The following PPIP5K1 variants were observed in gnomAD, a reference collection of about 807,000 sequenced individuals.
The protein encoded by PPIP5K1 is diphosphoinositol pentakisphosphate kinase 1, also known as inositol hexakisphosphate and diphosphoinositol-pentakisphosphate kinase 1.
A neutral mutation model predicts 27.7 loss-of-function variants in PPIP5K1; 6 were observed. The observed-to-expected ratio is 0.22, with a 90% CI of 0.12 to 0.43. PPIP5K1 has a LOEUF of 0.43. PPIP5K1 is among the 20% of genes least tolerant of loss of function. The probability of loss-of-function intolerance (pLI) is 1.00; values close to 1 mark genes in which losing one functional copy is unlikely to be tolerated. For missense variants in PPIP5K1, 394 were observed against 635.4 expected (o/e 0.62, Z 4.08); for synonymous variants, 145 against 242.6 (o/e 0.60, Z 3.74).
At chr15:43,540,824 T>A (rs2080583783) in intron 30 of PPIP5K1, among the ~76,000 whole-genome samples, 1 of 136,746 alleles carries the variant, frequency 7.3e-6, no homozygotes, top group African/African-American at 2.9e-5. Flanking sequence ...ATTGTGCCAC[T>A]GCACTCTACC....
intron 30 of PPIP5K1, among the ~76,000 whole-genome samples, chr15:43,554,855 G>A (rs1049810078): frequency 1.3e-5 from 2 of 149,188 alleles, no homozygotes; most frequent in Non-Finnish European, 3.0e-5. Flanking sequence ...TTTTTTTTCA[G>A]ATGGAGTTTC....
intron 30 of PPIP5K1, among the ~76,000 whole-genome samples, chr15:43,545,648 T>C (rs2081283925): frequency 6.6e-6 from 1 of 152,088 alleles, no homozygotes; most frequent in Admixed American, 6.6e-5. Context: ...TGGCCTAATT[T>C]GTCAATCTTT....
intron 30 of PPIP5K1, among the ~76,000 whole-genome samples, chr15:43,557,211 C>A (rs2083080050): frequency 6.6e-6 from 1 of 152,080 alleles, no homozygotes; most frequent in Admixed American, 6.6e-5. Flanking sequence ...TGTGGGAACC[C>A]AAGGGGGGGT....
intron 30 of PPIP5K1, among the ~76,000 whole-genome samples, chr15:43,539,870 C>G (rs1351219359): frequency 6.6e-6 from 1 of 152,240 alleles, no homozygotes; most frequent in Admixed American, 6.5e-5. Context: ...ATACTTGTTT[C>G]ATCTATTTCT....
intron 30 of PPIP5K1, among the ~76,000 whole-genome samples, chr15:43,542,000 G>A (rs1488309340): frequency 6.6e-6 from 1 of 152,170 alleles, no homozygotes; most frequent in Non-Finnish European, 1.5e-5. Flanking sequence ...TTATAAGTAA[G>A]GCTAAGTTTA....
intron 30 of PPIP5K1, among the ~76,000 whole-genome samples, chr15:43,553,051 A>G: frequency 6.6e-6 from 1 of 152,230 alleles, no homozygotes; most frequent in Non-Finnish European, 1.5e-5. Flanking sequence ...AATAAAAAAG[A>G]AAAAGAATAT....
chr15:43,552,970 A>G (rs1405374778), intron 30 of PPIP5K1, among the ~76,000 whole-genome samples: 1 of 152,048 alleles, frequency 6.6e-6, no homozygotes, highest in Non-Finnish European at 1.5e-5. Context: ...TGAATGCAGG[A>G]GGTTGCAGTG....
intron 30 of PPIP5K1, among the ~76,000 whole-genome samples, chr15:43,542,370 C>A (rs1157936416): frequency 1.3e-5 from 2 of 151,484 alleles, no homozygotes; most frequent in African/African-American, 4.9e-5. Context: ...CAGCTCACTG[C>A]AGCCTCAAAC....
At chr15:43,565,527 CAAGAATGA>C (rs2084078549) in intron 26 of PPIP5K1, among the ~76,000 whole-genome samples, 1 of 144,680 alleles carries the variant, frequency 6.9e-6, no homozygotes, top group African/African-American at 2.7e-5. Context: ...TGACCTTTCC[CAAGAATGA>C]AAGTATGAGG....
chr15:43,559,592 C>T (rs2083514441), intron 29 of PPIP5K1, among the ~76,000 whole-genome samples: 1 of 152,116 alleles, frequency 6.6e-6, no homozygotes, highest in Admixed American at 6.5e-5. Context: ...TACTGGAAAA[C>T]CCCAGACTTG....
In PPIP5K1 at chr15:43,580,593, A is replaced by AT. The variant is rs2084933918; in HGVS notation, c.1061+408dup. On this transcript the variant is annotated intron_variant, in intron 10 of 31. Coordinates refer to ENST00000420765, the MANE Select transcript of PPIP5K1 (RefSeq NM_001394395.1). ...TTTTATTTTTTAATTTAATTAATTAATTAATTTATTTATTTATTGGGACGC... is the reference window on the plus strand; with the variant it reads ...TTTTATTTTTTAATTTAATTAATTAATTTAATTTATTTATTTATTGGGACGC... Among the ~76,000 whole-genome samples, 2 of 126,340 alleles carry AT rather than the reference A, an allele frequency of 1.6e-5. 1 individual carries two copies. The highest frequency in any genetic ancestry group is 7.8e-5 in the African/African-American group (2 of 25,544). The allele number at this position is 126,340 out of a possible 152,430, so 82.9% of individuals were successfully genotyped here. A position where few individuals can be genotyped will look rare whatever the true frequency, so the allele number is the denominator to read the frequency against.
Position 43,534,950 on chromosome 15 carries a change from G to A in PPIP5K1, c.4197C>T (p.Val1399=), listed in dbSNP as rs1271314127. ...SEEVSQPCQG[V]SVEVGKLVHK... ...GGACCAGCTTGCCAACCTCCACAGA[G>A]ACCCCCTGGCATGGCTGGCTGACCT... The change falls in exon 32 of 32, where the codon GTC becomes GTT. Residue 1399 remains valine, a synonymous_variant. Coordinates refer to ENST00000420765, the MANE Select transcript of PPIP5K1 (RefSeq NM_001394395.1). The A allele has an allele frequency of 6.2e-7, 1 of 1,614,186 alleles. No homozygotes were observed. The highest frequency in any genetic ancestry group is 8.5e-7 in the Non-Finnish European group (1 of 1,180,040).
chr15:43,545,100 C>A (rs2081206037), intron 30 of PPIP5K1, among the ~76,000 whole-genome samples: 1 of 151,818 alleles, frequency 6.6e-6, no homozygotes, highest in Non-Finnish European at 1.5e-5. Context: ...ATGACGTGAA[C>A]CCAGGAGGCA....
chr15:43,536,503 G>C (rs2079884315), intron 31 of PPIP5K1, among the ~76,000 whole-genome samples: 1 of 151,962 alleles, frequency 6.6e-6, no homozygotes, highest in African/African-American at 2.4e-5. Flanking sequence ...AACCTTTCTA[G>C]GGGTCAGTGG....
chr15:43,537,815 T>C (rs1188012546), intron 31 of PPIP5K1, among the ~76,000 whole-genome samples: 2 of 150,104 alleles, frequency 1.3e-5, no homozygotes, highest in Admixed American at 6.7e-5. Context: ...AGAAGACGTT[T>C]ACCAGTGAGG....
chr15:43,546,766 T>C (rs1420742013), intron 30 of PPIP5K1, among the ~76,000 whole-genome samples: 1 of 151,328 alleles, frequency 6.6e-6, no homozygotes, highest in Non-Finnish European at 1.5e-5. Context: ...AGGTGATTCT[T>C]CCACCTCAGT....
At chr15:43,549,576 C>A (rs867287504) in intron 30 of PPIP5K1, among the ~76,000 whole-genome samples, 1 of 152,078 alleles carries the variant, frequency 6.6e-6, no homozygotes, top group African/African-American at 2.4e-5. Context: ...TCACTTGAGC[C>A]TGGGAGGCAG....
chr15:43,539,335 G>A (rs1385027735), intron 31 of PPIP5K1, 135 bp downstream of exon 31: 7 of 687,908 alleles, frequency 1.0e-5, no homozygotes, highest in Admixed American at 6.7e-5. Flanking sequence ...AATGGCAGAT[G>A]AGACTGCTTC....
intron 30 of PPIP5K1, among the ~76,000 whole-genome samples, chr15:43,541,806 C>T (rs1406251494): frequency 1.3e-5 from 2 of 151,810 alleles, no homozygotes; most frequent in Non-Finnish European, 2.9e-5. Context: ...ACATTCTGGA[C>T]TTGTCTAATT....
Sources: gnomAD v4.1 joint callset for allele counts (sites outside exome capture counted in the v4.1 genomes callset) on GRCh38, gnomAD v4.1.1 for gene constraint, MANE v1.5 for transcripts, NCBI Gene and HGNC (gene_info 2026-07-23, HGNC 2026-07-21) for gene names.